Variants in PPARGC1A observed in about 807,000 individuals in gnomAD.
PPARGC1A encodes peroxisome proliferator-activated receptor gamma coactivator 1-alpha.
PPARGC1A carries 25 observed loss-of-function variants against 88.7 expected under a neutral mutation model. The ratio of observed to expected loss-of-function variants is 0.28; its 90% CI spans 0.21 to 0.39. PPARGC1A has a LOEUF of 0.39. PPARGC1A is among the 10% of genes least tolerant of loss of function. The probability of loss-of-function intolerance (pLI) is 1.00; values close to 1 mark genes in which losing one functional copy is unlikely to be tolerated. For missense variants in PPARGC1A, 880 were observed against 968.7 expected (o/e 0.91, Z 1.22); for synonymous variants, 363 against 355.6 (o/e 1.02, Z -0.24).
At chr4:24,027,223 GTGTC>G in the PPARGC1A span, among the ~76,000 whole-genome samples, 2,512 of 120,682 alleles carry the variant, frequency 0.021, 71 homozygotes, top group African/African-American at 0.067. Context: ...GTGTGTCTGT[GTGTC>G]TGTGTGTGTC....
rs1717170440 is a variant in PPARGC1A at position 23,794,533 on chromosome 4, A to G, written c.*1289T>C. On this transcript the variant is annotated 3_prime_UTR_variant, in exon 13 of 13. Coordinates refer to ENST00000264867, the MANE Select transcript of PPARGC1A (RefSeq NM_013261.5). ...CACACACTGTCTTTTTGTTTTTACA[A>G]TCAAATATATATAAGCAGTAAGTTC... is the stretch of plus-strand genomic sequence containing the variant. 2.0e-5 allele frequency: 3 copies of G among 152,654 alleles called. No individual in the cohort carries two copies. The highest frequency in any genetic ancestry group is 2.1e-4 in the South Asian group (1 of 4,824). The allele number at this position is 152,654 out of a possible 1,614,324, so 9.5% of individuals were successfully genotyped here. A position where few individuals can be genotyped will look rare whatever the true frequency, so the allele number is the denominator to read the frequency against.
the PPARGC1A span, among the ~76,000 whole-genome samples, chr4:24,160,344 A>C: frequency 6.6e-6 from 1 of 152,238 alleles, no homozygotes; most frequent in Non-Finnish European, 1.5e-5. Flanking sequence ...AGTATCTAGC[A>C]TGTTACTTGG....
chr4:23,909,841 G>C, the PPARGC1A span, among the ~76,000 whole-genome samples: 1 of 151,444 alleles, frequency 6.6e-6, no homozygotes, highest in Non-Finnish European at 1.5e-5. Flanking sequence ...TACTAAGGAG[G>C]CTAGAAAATA....
chr4:24,161,735 G>A, the PPARGC1A span, among the ~76,000 whole-genome samples: 3,801 of 152,272 alleles, frequency 0.025, 63 homozygotes, highest in Non-Finnish European at 0.037. Flanking sequence ...AGGTCAGCAG[G>A]AAGGGGGTTG....
the PPARGC1A span, among the ~76,000 whole-genome samples, chr4:24,292,718 C>T: frequency 7.4e-4 from 39 of 52,804 alleles, 2 homozygotes; most frequent in East Asian, 0.022. Flanking sequence ...CCTTCATCCC[C>T]ACCCCTTCCT....
the PPARGC1A span, among the ~76,000 whole-genome samples, chr4:24,076,600 G>C: frequency 7.2e-5 from 11 of 152,086 alleles, no homozygotes; most frequent in Non-Finnish European, 1.6e-4. Context: ...TGCCAAGCCT[G>C]GGGGGCTGGA....
chr4:23,869,799 C>T (rs569635074), intron 2 of PPARGC1A, among the ~76,000 whole-genome samples: 4 of 152,072 alleles, frequency 2.6e-5, no homozygotes, highest in African/African-American at 9.6e-5. Flanking sequence ...AGGATAAATA[C>T]GGAAAGCCAT....
At chr4:23,998,796 G>T in the PPARGC1A span, among the ~76,000 whole-genome samples, 1 of 152,192 alleles carries the variant, frequency 6.6e-6, no homozygotes, top group African/African-American at 2.4e-5. Flanking sequence ...GGGAAAACTT[G>T]AAGAGTCAAT....
At chr4:24,015,399 C>T in the PPARGC1A span, among the ~76,000 whole-genome samples, 1 of 152,074 alleles carries the variant, frequency 6.6e-6, no homozygotes, top group Non-Finnish European at 1.5e-5. Context: ...TGTATATAAG[C>T]TGATATTTCA....
At chr4:23,936,571 T>C in the PPARGC1A span, among the ~76,000 whole-genome samples, 44 of 152,228 alleles carry the variant, frequency 2.9e-4, no homozygotes, top group Non-Finnish European at 5.7e-4. Context: ...ACCCCATCTC[T>C]ACTAAAAATA....
intron 2 of PPARGC1A, among the ~76,000 whole-genome samples, chr4:23,849,801 T>G (rs186723471): frequency 5.5e-4 from 82 of 148,468 alleles, no homozygotes; most frequent in Admixed American, 5.1e-3. Context: ...TATTTGTAGA[T>G]TTAGAATTTT....
chr4:24,049,203 CACATATATATAAATATATATAT>C, the PPARGC1A span, among the ~76,000 whole-genome samples: 112,757 of 141,122 alleles, frequency 0.8, 46,657 homozygotes, highest in Non-Finnish European at 0.9. Flanking sequence ...TATATATACA[CACATATATATAAATATATATAT>C]ACATATATAT....
chr4:23,914,497 G>C, the PPARGC1A span, among the ~76,000 whole-genome samples: 2 of 152,074 alleles, frequency 1.3e-5, no homozygotes, highest in African/African-American at 2.4e-5. Flanking sequence ...TCCTGCAAAG[G>C]CCTTGTTATG....
chr4:24,239,953 T>C, the PPARGC1A span, among the ~76,000 whole-genome samples: 2 of 152,040 alleles, frequency 1.3e-5, no homozygotes, highest in Non-Finnish European at 2.9e-5. Context: ...GTCTCTGATC[T>C]CTCCCACCCG....
the PPARGC1A span, among the ~76,000 whole-genome samples, chr4:24,223,696 A>G: frequency 2.6e-5 from 4 of 152,378 alleles, no homozygotes; most frequent in South Asian, 2.1e-4. Context: ...TCTTATGATC[A>G]AGAAAATGCA....
chr4:24,108,653 A>G, the PPARGC1A span, among the ~76,000 whole-genome samples: 2 of 152,146 alleles, frequency 1.3e-5, no homozygotes, highest in African/African-American at 4.8e-5. Flanking sequence ...ATTGAGGCCC[A>G]GAAAGATCAA....
chr4:24,347,508 G>A, the PPARGC1A span, among the ~76,000 whole-genome samples: 1 of 152,114 alleles, frequency 6.6e-6, no homozygotes, highest in Non-Finnish European at 1.5e-5. Context: ...ATTATATACT[G>A]TCCCTCTTTG....
chr4:24,312,304 T>C, the PPARGC1A span, among the ~76,000 whole-genome samples: 1 of 152,218 alleles, frequency 6.6e-6, no homozygotes, highest in African/African-American at 2.4e-5. Flanking sequence ...CCAAACGCAC[T>C]TGTGGCTTGC....
intron 5 of PPARGC1A, among the ~76,000 whole-genome samples, chr4:23,825,928 A>G (rs561019963): frequency 1.5e-4 from 23 of 152,316 alleles, no homozygotes; most frequent in African/African-American, 4.8e-4. Flanking sequence ...ACCAAGTTTT[A>G]TGATACTCAA....
Sources: allele counts gnomAD v4.1 joint callset (sites outside exome capture counted in the v4.1 genomes callset), GRCh38; gene constraint gnomAD v4.1.1; transcripts MANE v1.5; gene names NCBI Gene and HGNC (gene_info 2026-07-23, HGNC 2026-07-21).